Variants in RNF170 observed in about 807,000 individuals in gnomAD.
RNF170 encodes the protein ring finger protein 170.
In RNF170, 12 loss-of-function variants were observed where a neutral mutation model predicts 32.7. That is an observed-to-expected ratio of 0.37 (90% CI 0.24 to 0.60). The LOEUF is 0.60. RNF170 is among the 20% of genes least tolerant of loss of function. The pLI, the probability that RNF170 is intolerant of heterozygous loss-of-function variation, is 0.72. For synonymous variants in RNF170, 91 were observed against 103.6 expected (o/e 0.88, Z 0.74); for missense variants, 212 against 311.2 (o/e 0.68, Z 2.40).
rs71231874 is a variant in RNF170 at position 42,863,980 on chromosome 8, AGTGT to A, written c.396+1432_396+1435del. 4.8e-3 allele frequency among the ~76,000 whole-genome samples: 667 copies of A among 139,570 alleles called. 4 individuals carry two copies. Among genetic ancestry groups the A allele is most frequent in the African/African-American group, 0.015 (549 of 37,080 alleles). 91.6% of individuals were successfully genotyped at this position (139,570 alleles called of 152,430 possible). A position where few individuals can be genotyped will look rare whatever the true frequency, so the allele number is the denominator to read the frequency against. ...AAGGCTGAAGGAGAGAGAGAGAGAGAGTGTGTGTGTGTGTGTGTGTGTGTGTGTG... is the reference window on the plus strand; with the variant it reads ...AAGGCTGAAGGAGAGAGAGAGAGAGAGTGTGTGTGTGTGTGTGTGTGTGTG... On this transcript the variant is annotated intron_variant, in intron 5 of 6. Coordinates refer to ENST00000527424, the MANE Select transcript of RNF170 (RefSeq NM_030954.4).
intron 2 of RNF170, among the ~76,000 whole-genome samples, chr8:42,885,834 C>T (rs748032102): frequency 5.3e-5 from 8 of 152,260 alleles, no homozygotes; most frequent in Non-Finnish European, 8.8e-5. Flanking sequence ...TCATAGCTCA[C>T]TGCAGACTTG....
chr8:42,858,849 C>T (rs1276721003), intron 6 of RNF170, among the ~76,000 whole-genome samples: 1 of 152,130 alleles, frequency 6.6e-6, no homozygotes, highest in Non-Finnish European at 1.5e-5. Context: ...AGGACCAGAT[C>T]ATGTGGCGCC....
chr8:42,853,246 A>G, downstream of RNF170: 1 of 852,712 alleles, frequency 1.2e-6, no homozygotes, highest in Non-Finnish European at 1.6e-6. Context: ...ATGCTCTTTC[A>G]GGAGTTCTGA....
Position 42,860,572 on chromosome 8 carries a change from A to T in RNF170, c.507+1173T>A, listed in dbSNP as rs570622730. 2.0e-5 allele frequency among the ~76,000 whole-genome samples: 3 copies of T among 149,672 alleles called. No homozygotes were observed. In the East Asian group the frequency reaches 6.0e-4, roughly 30 times the overall value. On this transcript the variant is annotated intron_variant, in intron 6 of 6. Coordinates refer to ENST00000527424, the MANE Select transcript of RNF170 (RefSeq NM_030954.4). ...CAAGTAGCTGGGACTACAGGCACAA[A>T]CCACCATACCCAGCTAATTTTTGTA...
intron 2 of RNF170, among the ~76,000 whole-genome samples, chr8:42,880,647 G>A (rs1335265450): frequency 6.6e-6 from 1 of 152,142 alleles, no homozygotes; most frequent in African/African-American, 2.4e-5. Context: ...GTGCGCACCT[G>A]TAATCCCAGC....
At chr8:42,893,643 C>G (rs1806500700) in intron 1 of RNF170, among the ~76,000 whole-genome samples, 1 of 152,152 alleles carries the variant, frequency 6.6e-6, no homozygotes, top group South Asian at 2.1e-4. Context: ...CTTGGCACAT[C>G]ATATAGGCTC....
In RNF170 at chr8:42,856,432, G is replaced by A; in HGVS notation, c.508-4C>T. 1 of 1,604,628 alleles carries A rather than the reference G, an allele frequency of 6.2e-7. No individual in the cohort carries two copies. Among genetic ancestry groups the A allele is most frequent in the Non-Finnish European group, 8.5e-7 (1 of 1,173,162 alleles). On this transcript the variant is annotated splice_polypyrimidine_tract_variant and splice_region_variant and intron_variant, in intron 6 of 6. Transcript: ENST00000527424. ...GATCCATAATTCTCTCCATAATCTG[G>A]TAGAGGGAAAAACAAGTATTATGAT...
At position 42,855,108 on chromosome 8, in the gene RNF170, G is replaced by A. The variant is rs1300801952; in HGVS notation, c.*1051C>T. ...TACTCTGTGTTTGCAGCATCGCCCA[G>A]GTTCCTAAAACAATCTTCCCTTTAC... On this transcript the variant is annotated 3_prime_UTR_variant, in exon 7 of 7. Transcript: ENST00000527424. 4.7e-6 allele frequency: 6 copies of A among 1,287,044 alleles called. No individual in the cohort carries two copies. Among genetic ancestry groups the A allele is most frequent in the Non-Finnish European group, 6.1e-6 (6 of 988,682 alleles). 79.7% of individuals were successfully genotyped at this position (1,287,044 alleles called of 1,614,324 possible).
At chr8:42,850,473 T>C (rs947921484), downstream of RNF170, 2 of 370,654 alleles carry the variant, frequency 5.4e-6, no homozygotes, top group Admixed American at 3.8e-5. Context: ...AAGTGATCTT[T>C]CCTTGTCTTC....
chr8:42,893,721 A>C (rs983317434), intron 1 of RNF170, among the ~76,000 whole-genome samples: 1 of 152,236 alleles, frequency 6.6e-6, no homozygotes, highest in African/African-American at 2.4e-5. Flanking sequence ...TGATAAAACT[A>C]GCCATGTTTT....
downstream of RNF170, among the ~76,000 whole-genome samples, chr8:42,851,997 A>C (rs983624696): frequency 5.9e-5 from 9 of 152,230 alleles, no homozygotes; most frequent in African/African-American, 2.2e-4. Context: ...CCTTTAATAA[A>C]AAGAAGGGAG....
chr8:42,854,540 A>G lies in RNF170; in HGVS notation c.*1619T>C, dbSNP rs189720598. On this transcript the variant is annotated 3_prime_UTR_variant, in exon 7 of 7. Coordinates refer to ENST00000527424, the MANE Select transcript of RNF170 (RefSeq NM_030954.4). ...TGTTTAAGCATTATTGTTTTTCTCT[A>G]TGACAAGCAACAGCTCTGTCCTAGG... 6.9e-5 allele frequency: 89 copies of G among 1,287,094 alleles called. No homozygotes were observed. Among genetic ancestry groups the G allele is most frequent in the Admixed American group, 1.6e-4 (7 of 43,550 alleles). 79.7% of individuals were successfully genotyped at this position (1,287,094 alleles called of 1,614,324 possible). A position where few individuals can be genotyped will look rare whatever the true frequency, so the allele number is the denominator to read the frequency against.
chr8:42,879,391 G>C (rs372108636), intron 2 of RNF170, among the ~76,000 whole-genome samples: 11 of 152,150 alleles, frequency 7.2e-5, no homozygotes, highest in Admixed American at 2.6e-4. Context: ...GGTGGCTCAC[G>C]CCTGTAATCC....
intron 1 of RNF170, among the ~76,000 whole-genome samples, chr8:42,889,839 T>C (rs1279035608): frequency 6.6e-6 from 1 of 152,152 alleles, no homozygotes; most frequent in Non-Finnish European, 1.5e-5. Flanking sequence ...ACGGAGTCAA[T>C]TTAGGTTTTT....
chr8:42,873,971 T>A lies in RNF170; in HGVS notation c.173A>T (p.Glu58Val). ...CTGTTCTCGAAGTACCCTTACTAGCTCCTGGTTTTCTGGGTGAATGTTTTG... is the reference window on the plus strand; with the variant it reads ...CTGTTCTCGAAGTACCCTTACTAGCACCTGGTTTTCTGGGTGAATGTTTTG... ...VHQNIHPENQELVRVLREQLQ... is the reference protein window; with the variant it reads ...VHQNIHPENQVLVRVLREQLQ... The change falls in exon 3 of 7, where the codon GAG becomes GTG. Residue 58 changes from glutamate (E) to valine (V), a missense_variant. This residue lies in a region of RNF170 where 115 missense variants were observed against 132.3 expected (regional missense o/e 0.87). Transcript: ENST00000527424. 1.2e-6 allele frequency: 2 copies of A among 1,603,534 alleles called. No individual in the cohort carries two copies. The highest frequency in any genetic ancestry group is 1.7e-6 in the Non-Finnish European group (2 of 1,170,532).
intron 1 of RNF170, among the ~76,000 whole-genome samples, chr8:42,895,427 A>G (rs1806711268): frequency 6.6e-6 from 1 of 152,202 alleles, no homozygotes; most frequent in African/African-American, 2.4e-5. Context: ...GGAACTACAA[A>G]GCAAAGTGTG....
chr8:42,859,935 C>T (rs1241249723), intron 6 of RNF170, among the ~76,000 whole-genome samples: 4 of 152,130 alleles, frequency 2.6e-5, no homozygotes, highest in Non-Finnish European at 5.9e-5. Context: ...CAGGCATGAG[C>T]CACTGTGCCC....
intron 1 of RNF170, among the ~76,000 whole-genome samples, chr8:42,890,260 CT>C (rs772860155): frequency 3.0e-3 from 418 of 140,334 alleles, no homozygotes; most frequent in African/African-American, 4.7e-3. Context: ...TGATTATATT[CT>C]TTTTTTTTTT....
intron 2 of RNF170, among the ~76,000 whole-genome samples, chr8:42,876,976 C>CA (rs1172688723): frequency 1.8e-5 from 2 of 113,856 alleles, no homozygotes; most frequent in Admixed American, 2.2e-4. Flanking sequence ...TTTTTTGAGA[C>CA]AGAGTCTTGT....
Sources: gnomAD v4.1 joint callset for allele counts (sites outside exome capture counted in the v4.1 genomes callset) on GRCh38, gnomAD v4.1.1 for gene constraint, gnomAD v4.1.1 regional missense constraint, MANE v1.5 for transcripts, NCBI Gene and HGNC (gene_info 2026-07-23, HGNC 2026-07-21) for gene names.